Variants in SATB1 observed in about 807,000 individuals in gnomAD.
SATB1 encodes SATB homeobox 1, also known as DNA-binding protein SATB1.
In SATB1, 11 loss-of-function variants were observed where a neutral mutation model predicts 86.9. The observed-to-expected ratio is 0.13, with a 90% confidence interval of 0.08 to 0.21. The LOEUF is 0.21. Ranked by LOEUF, SATB1 falls within the 10% of genes least tolerant of loss-of-function variation. The pLI is 1.00. For missense variants in SATB1, 551 were observed against 937.6 expected, an observed-to-expected ratio of 0.59 and a Z score of 5.39; for synonymous variants, 357 against 357.2, an observed-to-expected ratio of 1.00 and a Z score of 0.01.
rs758151490 is a variant in SATB1 at position 18,394,953 on chromosome 3, CAAT to C, written c.752-40_752-38del. The C allele has an allele frequency of 1.2e-4, 171 of 1,422,550 alleles. No homozygotes were observed. The highest frequency in any genetic ancestry group is 2.3e-4 in the Admixed American group (11 of 47,056). 88.1% of individuals were successfully genotyped at this position (1,422,550 alleles called of 1,614,324 possible). ...AAAGAGTAAAATCACATTCAGCCAA[CAAT>C]GATTGGCATTGATAAAGATTTCTAA... On this transcript the variant is annotated intron_variant, in intron 6 of 10. Transcript: ENST00000338745. The surrounding 1 kb of genome is among the most constrained non-coding windows in gnomAD (Gnocchi z 5.9).
intron 9 of SATB1, among the ~76,000 whole-genome samples, chr3:18,354,724 T>C (rs1326612746): frequency 6.6e-6 from 1 of 152,080 alleles, no homozygotes; most frequent in Non-Finnish European, 1.5e-5. Context: ...GAAAAAAACA[T>C]GTGGATCACA....
At chr3:18,391,921 A>T (rs1159296760) in intron 7 of SATB1, among the ~76,000 whole-genome samples, 1 of 152,242 alleles carries the variant, frequency 6.6e-6, no homozygotes, top group African/African-American at 2.4e-5. Context: ...CAATGAAAAT[A>T]AATTCATGCC....
intron 2 of SATB1, among the ~76,000 whole-genome samples, chr3:18,418,182 A>C (rs1316957586): frequency 1.3e-5 from 2 of 152,172 alleles, no homozygotes; most frequent in African/African-American, 4.8e-5. Flanking sequence ...TAGTCCTACA[A>C]TACTAATGCC....
intron 4 of SATB1, among the ~76,000 whole-genome samples, 189 bp downstream of exon 4, chr3:18,415,818 G>T (rs1698082275): frequency 6.6e-6 from 1 of 151,836 alleles, no homozygotes; most frequent in Non-Finnish European, 1.5e-5. Flanking sequence ...TGTGGGGGGG[G>T]GGATTGCTTT....
chr3:18,391,576 T>G (rs1319377953), intron 7 of SATB1, among the ~76,000 whole-genome samples: 1 of 133,312 alleles, frequency 7.5e-6, no homozygotes, highest in Non-Finnish European at 1.5e-5. Context: ...CCCCTTCCTG[T>G]GTCCATGTGA....
chr3:18,416,711 C>A (rs1407049555), intron 3 of SATB1, among the ~76,000 whole-genome samples, 191 bp downstream of exon 3: 1 of 152,060 alleles, frequency 6.6e-6, no homozygotes, highest in Non-Finnish European at 1.5e-5. Context: ...TCTACCTCGA[C>A]ATTCCACATG....
In SATB1 at chr3:18,373,327, CTTG is replaced by C. The variant is rs1191431106; in HGVS notation, c.1575+4840_1575+4842del. ...AAATAGGAGGCTACACAGGTGAACT[CTTG>C]TTGTAGCAAAGTCTGTTATATGAAC... On this transcript the variant is annotated intron_variant, in intron 9 of 10. Transcript: ENST00000338745. 2.6e-5 allele frequency among the ~76,000 whole-genome samples: 4 copies of C among 152,256 alleles called. No individual in the cohort carries two copies. The East Asian group carries it at 5.8e-4, about 22-fold the overall frequency.
intron 9 of SATB1, among the ~76,000 whole-genome samples, chr3:18,360,495 A>G (rs1694855760): frequency 6.7e-6 from 1 of 149,914 alleles, no homozygotes; most frequent in African/African-American, 2.4e-5. Flanking sequence ...TCCTTATACA[A>G]TTCTCTCTAA....
upstream of SATB1, among the ~76,000 whole-genome samples, chr3:18,428,351 G>T (rs528498130): frequency 1.2e-3 from 181 of 152,180 alleles, no homozygotes; most frequent in African/African-American, 4.1e-3. Flanking sequence ...TCCACGAATG[G>T]ATTAATCCAT....
upstream of SATB1, among the ~76,000 whole-genome samples, chr3:18,441,373 T>C (rs1699240499): frequency 6.6e-6 from 1 of 152,148 alleles, no homozygotes; most frequent in Non-Finnish European, 1.5e-5. Flanking sequence ...TTTCTATTTA[T>C]AACATGAACA....
upstream of SATB1, among the ~76,000 whole-genome samples, chr3:18,426,670 C>CA (rs1170380524): frequency 3.9e-5 from 6 of 151,904 alleles, no homozygotes; most frequent in South Asian, 2.1e-4. This position sits in a 1 kb window ranked among gnomAD's most constrained non-coding sequence, Gnocchi z 4.2. Flanking sequence ...TAATCATTAA[C>CA]AAAAAACAAG....
chr3:18,394,747 G>A lies in SATB1; in HGVS notation c.921C>T (p.Leu307=), dbSNP rs752846934. ...ATTGAGGACTGATAGGTGTTGATAC[G>A]AGCCCAGGGTGCAGGTTTGGAAGAG... is the stretch of plus-strand genomic sequence containing the variant. ...RTPLPNLHPG[L]VSTPISPQLV... The change falls in exon 7 of 11, where the codon CTC becomes CTT. Residue 307 remains leucine, a synonymous_variant. Transcript: ENST00000338745. This position sits in a 1 kb window ranked among gnomAD's most constrained non-coding sequence, Gnocchi z 5.9. The A allele has an allele frequency of 1.4e-5, 23 of 1,613,950 alleles. No individual in the cohort carries two copies. In the South Asian group the frequency reaches 1.8e-4, roughly 12 times the overall value.
At position 18,386,999 on chromosome 3, in the gene SATB1, A is replaced by G. The variant is rs1270801578; in HGVS notation, c.1207-388T>C. Among the ~76,000 whole-genome samples the G allele has an allele frequency of 6.6e-6, 1 of 152,210 alleles. No homozygotes were observed. Among genetic ancestry groups the G allele is most frequent in the East Asian group, 1.9e-4 (1 of 5,198 alleles). On this transcript the variant is annotated intron_variant, in intron 7 of 10. Transcript: ENST00000338745. This position sits in a 1 kb window ranked among gnomAD's most constrained non-coding sequence, Gnocchi z 4.5. Reference sequence around the variant, plus strand: ...AAGGCAGTGTAATGCCTACAGCCCAATATGTAAAGATACAAAGCCATTTCT... The same window carrying G: ...AAGGCAGTGTAATGCCTACAGCCCAGTATGTAAAGATACAAAGCCATTTCT...
At chr3:18,367,840 T>G (rs1314362111) in intron 9 of SATB1, among the ~76,000 whole-genome samples, 3 of 152,228 alleles carry the variant, frequency 2.0e-5, no homozygotes, top group South Asian at 2.1e-4. Flanking sequence ...TTTTTTATCT[T>G]GCAAGTGAAA....
intron 7 of SATB1, among the ~76,000 whole-genome samples, chr3:18,391,903 A>G (rs1235785318): frequency 6.6e-6 from 1 of 152,208 alleles, no homozygotes; most frequent in Non-Finnish European, 1.5e-5. Context: ...GTGGTTTTTA[A>G]GAATGACCAA....
In SATB1 at chr3:18,373,618, A is replaced by G. The variant is rs190031504; in HGVS notation, c.1575+4552T>C. Among the ~76,000 whole-genome samples, 3 of 152,330 alleles carry G rather than the reference A, an allele frequency of 2.0e-5. No homozygotes were observed. The East Asian group carries it at 5.8e-4, about 29-fold the overall frequency. The stretch of plus-strand genomic sequence containing the variant: ...TTACCATGTGAGAATTTCCAAACCT[A>G]AAGGTCAGAATGACGTTTTCTTTCA... On this transcript the variant is annotated intron_variant, in intron 9 of 10. Coordinates refer to ENST00000338745, the MANE Select transcript of SATB1 (RefSeq NM_002971.6).
At chr3:18,435,140 T>C (rs1410887264) in intron 2 of SATB1, 1 of 152,162 alleles carries the variant, frequency 6.6e-6, no homozygotes, top group Non-Finnish European at 1.5e-5. Flanking sequence ...GAAATTTTAA[T>C]CATGTGCATA....
intron 3 of SATB1, among the ~76,000 whole-genome samples, 193 bp downstream of exon 3, chr3:18,416,709 G>A (rs555246827): frequency 1.3e-5 from 2 of 152,032 alleles, no homozygotes; most frequent in Non-Finnish European, 2.9e-5. Flanking sequence ...AATCTACCTC[G>A]ACATTCCACA....
At chr3:18,377,065 C>T (rs1002497922) in intron 9 of SATB1, among the ~76,000 whole-genome samples, 5 of 152,140 alleles carry the variant, frequency 3.3e-5, no homozygotes, top group African/African-American at 1.2e-4. Context: ...ACAAGAACAA[C>T]ATTCTTCTAA....
Sources: allele counts gnomAD v4.1 joint callset (sites outside exome capture counted in the v4.1 genomes callset), GRCh38; gene constraint gnomAD v4.1.1; non-coding constraint Gnocchi (gnomAD v3.1); transcripts MANE v1.5; gene names NCBI Gene and HGNC (gene_info 2026-07-23, HGNC 2026-07-21).